The following TIAM1 variants were observed in gnomAD, a reference collection of about 807,000 sequenced individuals.
TIAM1 encodes rho guanine nucleotide exchange factor TIAM1.
Under a neutral mutation model 163.5 loss-of-function variants are expected in TIAM1, and 65 were observed. That is an observed-to-expected ratio of 0.40 (90% CI 0.33 to 0.49). TIAM1 has a LOEUF of 0.49. Ranked by LOEUF, TIAM1 falls within the 20% of genes least tolerant of loss-of-function variation. TIAM1 has a pLI of 0.77. For missense variants in TIAM1, 1,789 were observed against 2,044.7 expected (o/e 0.87, Z 2.41); for synonymous variants, 833 against 810.1 (o/e 1.03, Z -0.48).
intron 1 of TIAM1, among the ~76,000 whole-genome samples, chr21:31,546,298 T>A (rs2048487251): frequency 1.3e-5 from 2 of 151,442 alleles, no homozygotes; most frequent in African/African-American, 4.9e-5. Flanking sequence ...ACACCTGTAA[T>A]CTCAGCACTT....
intron 16 of TIAM1, among the ~76,000 whole-genome samples, chr21:31,157,901 G>A (rs760969611): frequency 2.0e-5 from 3 of 152,138 alleles, no homozygotes; most frequent in Admixed American, 6.6e-5. Flanking sequence ...CGTGATTCAC[G>A]AAAGGCAAAC....
At chr21:31,497,317 G>GT (rs1252628384) in intron 1 of TIAM1, among the ~76,000 whole-genome samples, 3 of 152,178 alleles carry the variant, frequency 2.0e-5, no homozygotes, top group Non-Finnish European at 2.9e-5. Context: ...CTACTTTTCT[G>GT]TAAGTCTGAA....
intron 4 of TIAM1, among the ~76,000 whole-genome samples, chr21:31,254,078 T>C (rs1174811921): frequency 6.6e-6 from 1 of 152,178 alleles, no homozygotes; most frequent in Admixed American, 6.5e-5. Context: ...GCTATTAAGC[T>C]CTCTCTAAAA....
intron 15 of TIAM1, among the ~76,000 whole-genome samples, chr21:31,165,879 A>G (rs2084189029): frequency 6.6e-6 from 1 of 152,212 alleles, no homozygotes; most frequent in African/African-American, 2.4e-5. Context: ...GGCAAACTAT[A>G]AACATCTTAT....
At chr21:31,555,123 GTC>G (rs998912294) in intron 1 of TIAM1, among the ~76,000 whole-genome samples, 32 of 150,856 alleles carry the variant, frequency 2.1e-4, no homozygotes, top group African/African-American at 7.1e-4. Flanking sequence ...ATTTCTGAAT[GTC>G]TCTTTTATTA....
intron 27 of TIAM1, 43 bp downstream of exon 27, chr21:31,124,479 G>A (rs773996509): frequency 1.2e-6 from 2 of 1,609,132 alleles, no homozygotes; most frequent in Non-Finnish European, 1.7e-6. Flanking sequence ...CTACTGCGGA[G>A]TGGGGGTGAC....
At chr21:31,466,902 T>G (rs1400795420) in intron 1 of TIAM1, among the ~76,000 whole-genome samples, 1 of 152,054 alleles carries the variant, frequency 6.6e-6, no homozygotes, top group African/African-American at 2.4e-5. Flanking sequence ...GGCAGATTGA[T>G]TCATCATCAT....
At chr21:31,219,538 G>A (rs2087426405) in intron 8 of TIAM1, among the ~76,000 whole-genome samples, 1 of 152,182 alleles carries the variant, frequency 6.6e-6, no homozygotes, top group Non-Finnish European at 1.5e-5. Flanking sequence ...ACGCCCCTCT[G>A]GGGCTTCAGT....
At chr21:31,381,944 T>C (rs1396021748) in intron 2 of TIAM1, among the ~76,000 whole-genome samples, 5 of 152,208 alleles carry the variant, frequency 3.3e-5, no homozygotes, top group Non-Finnish European at 7.3e-5. Flanking sequence ...TCAGGGACCT[T>C]GGTCTTGGAC....
At chr21:31,164,175 G>A (rs376699473) in intron 16 of TIAM1, among the ~76,000 whole-genome samples, 2 of 152,180 alleles carry the variant, frequency 1.3e-5, no homozygotes, top group African/African-American at 2.4e-5. Flanking sequence ...TGGATCACGA[G>A]GTCAGGAGAT....
intron 6 of TIAM1, among the ~76,000 whole-genome samples, chr21:31,244,870 A>G (rs1036132139): frequency 6.6e-6 from 1 of 152,346 alleles, no homozygotes; most frequent in East Asian, 1.9e-4. Flanking sequence ...AACACAAAAA[A>G]GTTCTTGCAG....
intron 2 of TIAM1, 64 bp downstream of exon 2, chr21:31,339,179 A>G (rs1476384628): frequency 2.5e-6 from 1 of 396,076 alleles, no homozygotes; most frequent in Non-Finnish European, 4.4e-6. Context: ...GGCAGGATCA[A>G]GATAATAAAG....
At chr21:31,410,511 ATGT>A (rs1310206784) in intron 2 of TIAM1, among the ~76,000 whole-genome samples, 23 of 8,754 alleles carry the variant, frequency 2.6e-3, no homozygotes, top group East Asian at 0.038. Context: ...GTGTATGTGT[ATGT>A]GAGAGTGCAT....
At chr21:31,537,095 G>A (rs140183404) in intron 1 of TIAM1, among the ~76,000 whole-genome samples, 6 of 152,192 alleles carry the variant, frequency 3.9e-5, no homozygotes, top group East Asian at 1.9e-4. Context: ...CTCTGTCTTC[G>A]TGTGGCATTC....
chr21:31,141,617 A>C lies in TIAM1; in HGVS notation c.3476-113T>G. 11 of 1,220,030 alleles carry C rather than the reference A, an allele frequency of 9.0e-6. No homozygotes were observed. Among genetic ancestry groups the C allele is most frequent in the Middle Eastern group, 2.9e-4 (1 of 3,506 alleles). 75.6% of individuals were successfully genotyped at this position (1,220,030 alleles called of 1,614,324 possible). ...GGTGCCTTTTTGCAGGACTGAGCAG[A>C]GAGTGGGTGGCAGGAAGAGGGACAG... is the stretch of plus-strand genomic sequence containing the variant. On this transcript the variant is annotated intron_variant, in intron 20 of 27. Coordinates refer to ENST00000541036, the MANE Select transcript of TIAM1 (RefSeq NM_001353694.2). This position sits in a 1 kb window ranked among gnomAD's most constrained non-coding sequence, Gnocchi z 4.7.
chr21:31,187,464 G>A (rs981233952), intron 13 of TIAM1, among the ~76,000 whole-genome samples: 4 of 152,198 alleles, frequency 2.6e-5, no homozygotes, highest in African/African-American at 9.6e-5. Flanking sequence ...TCAAATCTAT[G>A]TCCTAGAATA....
chr21:31,283,537 T>C (rs189677980), intron 2 of TIAM1, among the ~76,000 whole-genome samples: 1 of 151,152 alleles, frequency 6.6e-6, no homozygotes, highest in Non-Finnish European at 1.5e-5. Context: ...TCTTTCCCTT[T>C]TTTATTTATT....
chr21:31,323,191 G>A (rs559370125), intron 2 of TIAM1, among the ~76,000 whole-genome samples: 1 of 152,132 alleles, frequency 6.6e-6, no homozygotes, highest in South Asian at 2.1e-4. Flanking sequence ...GGGAGGCTGA[G>A]GCAGGAGAAT....
intron 10 of TIAM1, 136 bp from the exon 11 acceptor site, chr21:31,210,351 G>T: frequency 2.4e-6 from 2 of 849,630 alleles, no homozygotes; most frequent in Non-Finnish European, 1.8e-6. Context: ...TGGGAGGCAG[G>T]GGAACCCTTG....
Sources: gnomAD v4.1 joint callset for allele counts (sites outside exome capture counted in the v4.1 genomes callset) on GRCh38, gnomAD v4.1.1 for gene constraint, Gnocchi (gnomAD v3.1) non-coding constraint, MANE v1.5 for transcripts, NCBI Gene and HGNC (gene_info 2026-07-23, HGNC 2026-07-21) for gene names.